Variants in EPHA7 observed in about 807,000 individuals in gnomAD.
EPHA7 encodes the protein ephrin type-A receptor 7.
Under a neutral mutation model 112.6 loss-of-function variants are expected in EPHA7, and 25 were observed. The observed-to-expected ratio is 0.22, with a 90% CI of 0.16 to 0.31. The LOEUF (loss-of-function observed/expected upper bound fraction) is 0.31. Ranked by LOEUF, EPHA7 falls within the 10% of genes least tolerant of loss-of-function variation. The pLI is 1.00. For synonymous variants in EPHA7, 437 were observed against 406.5 expected, an observed-to-expected ratio of 1.07 and a Z score of -0.90; for missense variants, 962 against 1,212.6, an observed-to-expected ratio of 0.79 and a Z score of 3.07.
At chr6:93,336,097 C>A (rs1774854473) in intron 5 of EPHA7, among the ~76,000 whole-genome samples, 1 of 152,030 alleles carries the variant, frequency 6.6e-6, no homozygotes, top group Non-Finnish European at 1.5e-5. Flanking sequence ...TCATGTAGTA[C>A]ATTGAGCACT....
At chr6:93,395,854 A>G (rs1778144750) in intron 3 of EPHA7, among the ~76,000 whole-genome samples, 2 of 151,878 alleles carry the variant, frequency 1.3e-5, no homozygotes, top group African/African-American at 4.8e-5. Context: ...TGAAAGTGTC[A>G]TAGTTTGGGT....
At position 93,388,852 on chromosome 6, in the gene EPHA7, C is replaced by A. The variant is rs142814727; in HGVS notation, c.832+21649G>T. Among the ~76,000 whole-genome samples, 9 of 151,980 alleles carry A rather than the reference C, an allele frequency of 5.9e-5. No homozygotes were observed. In the East Asian group the frequency reaches 1.7e-3, roughly 29 times the overall value. On this transcript the variant is annotated intron_variant, in intron 3 of 16. Transcript: ENST00000369303. Reference sequence around the variant, plus strand: ...ATTTTGATTAAATATTAAGAAAGATCTTAGAAACTATGGGAGGAAATGATA... The same window carrying A: ...ATTTTGATTAAATATTAAGAAAGATATTAGAAACTATGGGAGGAAATGATA...
intron 3 of EPHA7, among the ~76,000 whole-genome samples, chr6:93,397,570 T>TAA (rs1562155278): frequency 6.6e-6 from 1 of 151,910 alleles, no homozygotes; most frequent in East Asian, 1.9e-4. Context: ...AGGATAGTGT[T>TAA]ATGTGTTCAA....
chr6:93,289,014 C>A (rs1772215694), intron 5 of EPHA7, among the ~76,000 whole-genome samples: 2 of 152,152 alleles, frequency 1.3e-5, no homozygotes, highest in South Asian at 4.1e-4. Context: ...CAACTTTAGA[C>A]ATATATTAAA....
At chr6:93,361,195 T>A (rs1776243556) in intron 3 of EPHA7, among the ~76,000 whole-genome samples, 2 of 152,054 alleles carry the variant, frequency 1.3e-5, no homozygotes, top group African/African-American at 4.8e-5. Context: ...ATCATAAAAG[T>A]CTTAACATTT....
At chr6:93,265,842 CAT>C (rs1265046206) in intron 7 of EPHA7, among the ~76,000 whole-genome samples, 2 of 151,640 alleles carry the variant, frequency 1.3e-5, no homozygotes, top group Non-Finnish European at 3.0e-5. Flanking sequence ...GAAGGCAAAA[CAT>C]ATCTTGCCAC....
At chr6:93,384,114 G>T (rs1042950142) in intron 3 of EPHA7, among the ~76,000 whole-genome samples, 4 of 152,134 alleles carry the variant, frequency 2.6e-5, no homozygotes, top group African/African-American at 9.7e-5. Flanking sequence ...TAGTTTGGCT[G>T]AAGTGAATTT....
At chr6:93,332,593 T>C (rs1343467946) in intron 5 of EPHA7, among the ~76,000 whole-genome samples, 1 of 151,660 alleles carries the variant, frequency 6.6e-6, no homozygotes, top group Admixed American at 6.6e-5. Context: ...AGTAAACAAG[T>C]TTATAAAAAC....
chr6:93,321,349 A>T (rs1421692608), intron 5 of EPHA7, among the ~76,000 whole-genome samples: 1 of 151,898 alleles, frequency 6.6e-6, no homozygotes, highest in African/African-American at 2.4e-5. Context: ...GATTATGTAT[A>T]TATCAATCAC....
At position 93,269,627 on chromosome 6, in the gene EPHA7, T is replaced by A; in HGVS notation, c.1483A>T (p.Thr495Ser). The change falls in exon 7 of 17, where the codon ACC becomes TCC. Residue 495 changes from threonine (T) to serine (S), a missense_variant. This residue lies in a region of EPHA7 where 746 missense variants were observed against 889.2 expected (regional missense o/e 0.84). Transcript: ENST00000369303. Reference protein sequence around the residue: ...QRERTYSTVKTKSTSASINNL... With the variant: ...QRERTYSTVKSKSTSASINNL... ...TTAATGGAGGCTGAAGTAGACTTGGTTTTTACTGTTGAGTAGGTCCGTTCC... is the reference window on the plus strand; with the variant it reads ...TTAATGGAGGCTGAAGTAGACTTGGATTTTACTGTTGAGTAGGTCCGTTCC... The A allele has an allele frequency of 6.3e-7, 1 of 1,593,264 alleles. No individual in the cohort carries two copies. Among genetic ancestry groups the A allele is most frequent in the South Asian group, 1.1e-5 (1 of 88,502 alleles).
chr6:93,382,153 T>C (rs1777367067), intron 3 of EPHA7, among the ~76,000 whole-genome samples: 1 of 152,180 alleles, frequency 6.6e-6, no homozygotes. Flanking sequence ...GTCCTTATTA[T>C]GTAGACGAGT....
chr6:93,242,492 T>G lies in EPHA7; in HGVS notation c.*934A>C, dbSNP rs1769732413. 5.0e-6 allele frequency: 1 copy of G among 198,874 alleles called. No homozygotes were observed. The highest frequency in any genetic ancestry group is 2.3e-5 in the African/African-American group (1 of 43,476). 12.3% of individuals were successfully genotyped at this position (198,874 alleles called of 1,614,324 possible). A position where few individuals can be genotyped will look rare whatever the true frequency, so the allele number is the denominator to read the frequency against. On this transcript the variant is annotated 3_prime_UTR_variant, in exon 17 of 17. Transcript: ENST00000369303. The stretch of plus-strand genomic sequence containing the variant: ...AAAAATCTTGATGTGCTCAGATTAA[T>G]TTTTAGATAACACTGGATAGTTCTG...
chr6:93,299,474 C>A (rs1341075287), intron 5 of EPHA7, among the ~76,000 whole-genome samples: 1 of 151,412 alleles, frequency 6.6e-6, no homozygotes, highest in Non-Finnish European at 1.5e-5. Flanking sequence ...TTTAAAAAGA[C>A]AGAAAATAAA....
intron 5 of EPHA7, among the ~76,000 whole-genome samples, chr6:93,313,074 T>A (rs751278370): frequency 6.6e-6 from 1 of 151,830 alleles, no homozygotes; most frequent in South Asian, 2.1e-4. Context: ...ATAAAAAAAA[T>A]GAAATAAATT....
intron 5 of EPHA7, among the ~76,000 whole-genome samples, chr6:93,308,731 T>C (rs1023257263): frequency 6.6e-6 from 1 of 152,002 alleles, no homozygotes; most frequent in Non-Finnish European, 1.5e-5. Context: ...TATACTAACA[T>C]ACTAAGTGAA....
chr6:93,369,098 A>G (rs1451664646), intron 3 of EPHA7, among the ~76,000 whole-genome samples: 1 of 151,958 alleles, frequency 6.6e-6, no homozygotes, highest in Non-Finnish European at 1.5e-5. Context: ...ATGCTTAGAA[A>G]AATGTTGTTG....
chr6:93,357,779 G>A (rs164543), intron 4 of EPHA7, among the ~76,000 whole-genome samples: 53,943 of 151,420 alleles, frequency 0.36, 10,549 homozygotes, highest in East Asian at 0.55. Context: ...TCAGTCTTCC[G>A]CGTAGCTGGG....
Position 93,278,724 on chromosome 6 carries a change from TTG to T in EPHA7, c.1325-6304_1325-6303del, listed in dbSNP as rs556021538. Among the ~76,000 whole-genome samples, 10 of 150,936 alleles carry T rather than the reference TTG, an allele frequency of 6.6e-5. 1 individual carries two copies. In the South Asian group the frequency reaches 1.5e-3, roughly 22 times the overall value. ...TTCTTGCTGTTTTTTTTTGTTGTTG[TTG>T]TGTGTGTGTGTGTGAAGAAGCTGAG... On this transcript the variant is annotated intron_variant, in intron 5 of 16. Transcript: ENST00000369303.
At chr6:93,363,205 A>G (rs1191584052) in intron 3 of EPHA7, among the ~76,000 whole-genome samples, 1 of 152,156 alleles carries the variant, frequency 6.6e-6, no homozygotes, top group Non-Finnish European at 1.5e-5. Flanking sequence ...AAAAAATTGT[A>G]TAGGTGTTCA....
Sources: allele counts gnomAD v4.1 joint callset (sites outside exome capture counted in the v4.1 genomes callset), GRCh38; gene constraint gnomAD v4.1.1; regional missense constraint gnomAD v4.1.1; transcripts MANE v1.5; gene names NCBI Gene and HGNC (gene_info 2026-07-23, HGNC 2026-07-21).